PID1: variants seen among roughly 807,000 people sequenced by gnomAD.
PID1 encodes the protein PTB-containing, cubilin and LRP1-interacting protein.
PID1 carries 10 observed loss-of-function variants against 19.1 expected under a neutral mutation model. The ratio of observed to expected loss-of-function variants is 0.52; its 90% CI spans 0.32 to 0.89. The LOEUF (loss-of-function observed/expected upper bound fraction) is 0.89. Ranked by LOEUF, PID1 falls within the 40% of genes least tolerant of loss-of-function variation. PID1 has a pLI of 0.03. For missense variants in PID1, 248 were observed against 285.3 expected (o/e 0.87, Z 0.94); for synonymous variants, 130 against 116.0 (o/e 1.12, Z -0.78).
At chr2:229,109,288 G>C (rs570890195) in intron 2 of PID1, among the ~76,000 whole-genome samples, 1 of 152,116 alleles carries the variant, frequency 6.6e-6, no homozygotes, top group East Asian at 1.9e-4. Context: ...CAAGCTCTTC[G>C]GGCTGCAGAA....
At chr2:229,063,106 A>G (rs1213073992) in intron 2 of PID1, among the ~76,000 whole-genome samples, 1 of 151,930 alleles carries the variant, frequency 6.6e-6, no homozygotes, top group Non-Finnish European at 1.5e-5. Flanking sequence ...TTGTCTGTCT[A>G]ATATCTATTA....
rs1480373938 is a variant in PID1, at chr2:229,242,541, C to G, written c.30+28473G>C. ...CTCTCCTCTACATTTCCCGTCCTCT[C>G]TAATCAGCTGTCAACCCATTCTGCC... On this transcript the variant is annotated intron_variant, in intron 1 of 2. Coordinates refer to ENST00000392055, the MANE Select transcript of PID1 (RefSeq NM_001100818.2). 2.0e-5 allele frequency among the ~76,000 whole-genome samples: 3 copies of G among 152,114 alleles called. No homozygotes were observed. In the East Asian group the frequency reaches 5.8e-4, roughly 29 times the overall value.
intron 2 of PID1, among the ~76,000 whole-genome samples, chr2:229,051,487 G>A (rs1693995054): frequency 6.6e-6 from 1 of 152,008 alleles, no homozygotes; most frequent in African/African-American, 2.4e-5. Context: ...ACAGGCATGT[G>A]CCACCACCCC....
At chr2:229,105,079 CA>C (rs1378895621) in intron 2 of PID1, among the ~76,000 whole-genome samples, 1 of 152,202 alleles carries the variant, frequency 6.6e-6, no homozygotes, top group Non-Finnish European at 1.5e-5. Context: ...TTCTGTGAAA[CA>C]AAGATTTTTT....
intron 2 of PID1, among the ~76,000 whole-genome samples, chr2:229,134,241 T>TTTTTTGTTTTG (rs1356193264): frequency 6.8e-5 from 10 of 146,574 alleles, no homozygotes; most frequent in African/African-American, 2.5e-4. Flanking sequence ...GTTTTTTTTT[T>TTTTTTGTTTTG]TTTTTTTTTT....
chr2:229,034,777 A>G (rs1574571742), intron 2 of PID1, among the ~76,000 whole-genome samples: 1 of 152,244 alleles, frequency 6.6e-6, no homozygotes, highest in East Asian at 1.9e-4. Context: ...ATATATGTAT[A>G]AGCAAAAAAT....
chr2:229,250,891 G>A (rs952994313), intron 1 of PID1, among the ~76,000 whole-genome samples: 2 of 152,130 alleles, frequency 1.3e-5, no homozygotes, highest in Non-Finnish European at 2.9e-5. Flanking sequence ...CTTGAGCACA[G>A]GGACCTCTTC....
intron 2 of PID1, among the ~76,000 whole-genome samples, chr2:229,124,502 G>T (rs1695583497): frequency 6.6e-6 from 1 of 152,056 alleles, no homozygotes; most frequent in South Asian, 2.1e-4. Context: ...TATATCTGTG[G>T]CAATAAAATC....
chr2:229,168,330 T>C (rs1184260746), intron 1 of PID1, among the ~76,000 whole-genome samples: 1 of 152,202 alleles, frequency 6.6e-6, no homozygotes, highest in African/African-American at 2.4e-5. Flanking sequence ...CCCACAAATC[T>C]TGTATGGTCT....
chr2:229,210,813 C>T (rs1181802722), intron 1 of PID1, among the ~76,000 whole-genome samples: 1 of 152,136 alleles, frequency 6.6e-6, no homozygotes, highest in African/African-American at 2.4e-5. Context: ...AGCAGCGGTC[C>T]CCTCCAGGGG....
intron 1 of PID1, among the ~76,000 whole-genome samples, chr2:229,266,024 A>G (rs930062687): frequency 2.6e-5 from 4 of 152,218 alleles, no homozygotes; most frequent in Non-Finnish European, 4.4e-5. Flanking sequence ...ACTTGGAGAA[A>G]GACTCAATGA....
At chr2:229,070,101 G>C (rs773284938) in intron 2 of PID1, among the ~76,000 whole-genome samples, 52 of 152,200 alleles carry the variant, frequency 3.4e-4, no homozygotes, top group Non-Finnish European at 6.3e-4. Flanking sequence ...AGGATTTGCT[G>C]GAGACCACAG....
intron 2 of PID1, among the ~76,000 whole-genome samples, chr2:229,096,345 C>T (rs1017116): frequency 1 from 152,270 of 152,272 alleles, 76,134 homozygotes; most frequent in Non-Finnish European, 1. Flanking sequence ...TTGGACAGTG[C>T]CAGCATTAGT....
chr2:229,155,555 A>G lies in PID1; in HGVS notation c.177+263T>C, dbSNP rs186035379. Among the ~76,000 whole-genome samples, 61 of 151,540 alleles carry G rather than the reference A, an allele frequency of 4.0e-4. No individual in the cohort carries two copies. In the East Asian group the frequency reaches 6.0e-3, roughly 15 times the overall value. ...ACCACTGCACTCCAGCCTGGGCGAC[A>G]GAGCGAGACTCCGTCTCAAAAAAAA... is the stretch of plus-strand genomic sequence containing the variant. On this transcript the variant is annotated intron_variant, in intron 2 of 2. Coordinates refer to ENST00000392055, the MANE Select transcript of PID1 (RefSeq NM_001100818.2).
At chr2:229,027,990 G>T (rs536945148) in intron 2 of PID1, among the ~76,000 whole-genome samples, 2 of 152,310 alleles carry the variant, frequency 1.3e-5, no homozygotes, top group East Asian at 3.9e-4. Flanking sequence ...CAGGAAGAAA[G>T]GTGGATGGGG....
intron 1 of PID1, among the ~76,000 whole-genome samples, chr2:229,242,237 T>C (rs1014157105): frequency 6.6e-6 from 1 of 152,094 alleles, no homozygotes; most frequent in Non-Finnish European, 1.5e-5. Flanking sequence ...AAATATTTAA[T>C]CCAACAACTA....
chr2:229,208,471 T>C (rs1691656501), intron 1 of PID1, among the ~76,000 whole-genome samples: 1 of 152,210 alleles, frequency 6.6e-6, no homozygotes, highest in African/African-American at 2.4e-5. Context: ...CAATTATAAA[T>C]TTTAGATCAA....
intron 2 of PID1, among the ~76,000 whole-genome samples, chr2:229,059,262 A>G (rs1296366279): frequency 6.6e-6 from 1 of 152,214 alleles, no homozygotes; most frequent in African/African-American, 2.4e-5. Flanking sequence ...TGAGCACACA[A>G]AGTTAGGATT....
At chr2:229,268,384 T>A (rs1690649350) in intron 1 of PID1, among the ~76,000 whole-genome samples, 1 of 152,202 alleles carries the variant, frequency 6.6e-6, no homozygotes. Flanking sequence ...TACGCAAAGA[T>A]CTATCACACT....
Sources: gnomAD v4.1 joint callset for allele counts (sites outside exome capture counted in the v4.1 genomes callset) on GRCh38, gnomAD v4.1.1 for gene constraint, MANE v1.5 for transcripts, NCBI Gene and HGNC (gene_info 2026-07-23, HGNC 2026-07-21) for gene names.